KCNU1: variants seen among roughly 807,000 people sequenced by gnomAD.
KCNU1 encodes the protein potassium channel subfamily U member 1.
A neutral mutation model predicts 126.8 loss-of-function variants in KCNU1; 93 were observed. The ratio of observed to expected loss-of-function variants is 0.73; its 90% confidence interval spans 0.62 to 0.87. The LOEUF (loss-of-function observed/expected upper bound fraction) is 0.87. KCNU1 is among the 40% of genes least tolerant of loss of function. KCNU1 has a pLI of 0.00. For synonymous variants in KCNU1, 523 were observed against 494.2 expected, an observed-to-expected ratio of 1.06 and a Z score of -0.77; for missense variants, 1,330 against 1,367.1, an observed-to-expected ratio of 0.97 and a Z score of 0.43.
intron 18 of KCNU1, among the ~76,000 whole-genome samples, chr8:36,859,987 A>T (rs1282711641): frequency 6.6e-6 from 1 of 152,190 alleles, no homozygotes; most frequent in Non-Finnish European, 1.5e-5. Flanking sequence ...ACTCAAAAGG[A>T]ATCTTTTTAT....
At chr8:36,799,543 T>C (rs1002836783) in intron 2 of KCNU1, among the ~76,000 whole-genome samples, 1 of 151,932 alleles carries the variant, frequency 6.6e-6, no homozygotes, top group East Asian at 1.9e-4. Flanking sequence ...CCCTGCCATT[T>C]TTTTTTTTGA....
intron 10 of KCNU1, among the ~76,000 whole-genome samples, chr8:36,824,428 C>T (rs1053399943): frequency 4.6e-5 from 7 of 151,984 alleles, no homozygotes; most frequent in Non-Finnish European, 8.8e-5. Context: ...TTGTTAATGC[C>T]TTATTGTACC....
At position 36,910,600 on chromosome 8, in the gene KCNU1, A is replaced by T. The variant is rs994738389; in HGVS notation, c.2332-330A>T. 5.3e-5 allele frequency among the ~76,000 whole-genome samples: 8 copies of T among 151,846 alleles called. 1 individual carries two copies. The East Asian group carries it at 1.5e-3, about 29-fold the overall frequency. Reference sequence around the variant, plus strand: ...GATCCATAACCTCTCTTTTCTCTGAATTTTTTTCCTCATCACTGTTACCCT... The same window carrying T: ...GATCCATAACCTCTCTTTTCTCTGATTTTTTTTCCTCATCACTGTTACCCT... On this transcript the variant is annotated intron_variant, in intron 21 of 26. Coordinates refer to ENST00000399881, the MANE Select transcript of KCNU1 (RefSeq NM_001031836.3).
At chr8:36,925,171 T>C (rs1360203182) in intron 24 of KCNU1, among the ~76,000 whole-genome samples, 1 of 152,136 alleles carries the variant, frequency 6.6e-6, no homozygotes. Context: ...GAAAACAAAA[T>C]GTGCTATATA....
In KCNU1 at chr8:36,893,118, T is replaced by C. The variant is rs377710366; in HGVS notation, c.2010-12590T>C. On this transcript the variant is annotated intron_variant, in intron 19 of 26. Coordinates refer to ENST00000399881, the MANE Select transcript of KCNU1 (RefSeq NM_001031836.3). The stretch of plus-strand genomic sequence containing the variant: ...CTGTTATTACAGGTGTGAGCCACCA[T>C]GCCTAGCTACTTTTTGTTTTTTTTT... Among the ~76,000 whole-genome samples the C allele has an allele frequency of 9.7e-4, 147 of 151,068 alleles. 1 individual carries two copies. Among genetic ancestry groups the C allele is most frequent in the African/African-American group, 3.5e-3 (144 of 41,246 alleles).
chr8:36,933,423 A>G, intron 26 of KCNU1, among the ~76,000 whole-genome samples: 1 of 152,108 alleles, frequency 6.6e-6, no homozygotes, highest in East Asian at 1.9e-4. Context: ...TTGGGTAAAT[A>G]TTGATTGAGA....
At chr8:36,826,533 CTCTT>C (rs1804331256) in intron 10 of KCNU1, among the ~76,000 whole-genome samples, 1 of 152,014 alleles carries the variant, frequency 6.6e-6, no homozygotes, top group Non-Finnish European at 1.5e-5. Context: ...TTCTTACCCT[CTCTT>C]TTGAACTTCT....
At chr8:36,802,581 T>C (rs1020808634) in intron 2 of KCNU1, among the ~76,000 whole-genome samples, 2 of 152,178 alleles carry the variant, frequency 1.3e-5, no homozygotes, top group Admixed American at 6.5e-5. Flanking sequence ...TCTGGGAGGA[T>C]AATAGTTCCA....
intron 18 of KCNU1, among the ~76,000 whole-genome samples, chr8:36,855,438 C>G (rs959225941): frequency 6.6e-6 from 1 of 152,044 alleles, no homozygotes. Flanking sequence ...CCAGACAAGT[C>G]AAAATAATGA....
chr8:36,900,589 T>C (rs1021020729), intron 19 of KCNU1, among the ~76,000 whole-genome samples: 1 of 152,026 alleles, frequency 6.6e-6, no homozygotes, highest in East Asian at 1.9e-4. Context: ...TTTTTCCCCA[T>C]AACATACAGA....
chr8:36,829,534 A>C (rs1804451902), intron 10 of KCNU1, among the ~76,000 whole-genome samples: 1 of 151,628 alleles, frequency 6.6e-6, no homozygotes, highest in South Asian at 2.1e-4. Flanking sequence ...CTTTATAACT[A>C]GTTCTATCTA....
intron 1 of KCNU1, 141 bp downstream of exon 1, chr8:36,784,746 G>A (rs1487047320): frequency 1.0e-5 from 7 of 679,988 alleles, no homozygotes; most frequent in Non-Finnish European, 9.7e-6. Context: ...CTCAGAAAGG[G>A]TGGTAAGCCA....
At chr8:36,928,926 T>C in intron 24 of KCNU1, 1 of 664,606 alleles carries the variant, frequency 1.5e-6, no homozygotes, top group Non-Finnish European at 2.7e-6. Context: ...ATCCCAGAAA[T>C]CTACACTCAT....
At chr8:36,887,105 C>T (rs976475386) in intron 19 of KCNU1, among the ~76,000 whole-genome samples, 4 of 152,040 alleles carry the variant, frequency 2.6e-5, no homozygotes, top group Non-Finnish European at 5.9e-5. Flanking sequence ...CTGCAATAAA[C>T]ATATGTGTGC....
intron 22 of KCNU1, among the ~76,000 whole-genome samples, chr8:36,913,605 T>A (rs1358407381): frequency 6.6e-6 from 1 of 150,862 alleles, no homozygotes; most frequent in Admixed American, 6.6e-5. Flanking sequence ...GTCACATTTT[T>A]TTTTTTTTTT....
chr8:36,899,548 A>G (rs1807334843), intron 19 of KCNU1, among the ~76,000 whole-genome samples: 2 of 152,094 alleles, frequency 1.3e-5, no homozygotes, highest in African/African-American at 4.8e-5. Context: ...AATCATACCT[A>G]TTATCTCTAC....
intron 19 of KCNU1, among the ~76,000 whole-genome samples, chr8:36,873,640 C>G (rs1486808866): frequency 1.3e-5 from 2 of 152,148 alleles, no homozygotes; most frequent in Non-Finnish European, 2.9e-5. Flanking sequence ...TCTCCCTGCT[C>G]TCTGTTCCAC....
At chr8:36,876,937 G>A (rs1000293070) in intron 19 of KCNU1, among the ~76,000 whole-genome samples, 4 of 152,170 alleles carry the variant, frequency 2.6e-5, no homozygotes, top group Non-Finnish European at 5.9e-5. Context: ...GAAAGGAGAT[G>A]AGGAGACAAG....
At chr8:36,931,660 G>A (rs960781247) in intron 25 of KCNU1, among the ~76,000 whole-genome samples, 2 of 151,988 alleles carry the variant, frequency 1.3e-5, no homozygotes, top group Admixed American at 1.3e-4. Flanking sequence ...GTCAGAGCAG[G>A]GACCCAGCTA....
Sources: gnomAD v4.1 joint callset for allele counts (sites outside exome capture counted in the v4.1 genomes callset) on GRCh38, gnomAD v4.1.1 for gene constraint, MANE v1.5 for transcripts, NCBI Gene and HGNC (gene_info 2026-07-23, HGNC 2026-07-21) for gene names.